The following MAP3K4 variants were observed in gnomAD, a reference collection of about 807,000 sequenced individuals.
The protein encoded by MAP3K4 is MAP three kinase 1.
MAP3K4 carries 67 observed loss-of-function variants against 185.6 expected under a neutral mutation model. The observed-to-expected ratio is 0.36, with a 90% CI of 0.30 to 0.44. MAP3K4 has a LOEUF of 0.44. Among genes scored for constraint, MAP3K4 ranks in the 20% least tolerant of loss-of-function variants. The probability of loss-of-function intolerance (pLI) is 1.00; values close to 1 mark genes in which losing one functional copy is unlikely to be tolerated. For synonymous variants in MAP3K4, 702 were observed against 710.4 expected (o/e 0.99, Z 0.19); for missense variants, 1,551 against 1,995.1 (o/e 0.78, Z 4.24).
Position 161,100,857 on chromosome 6 carries a change from G to C in MAP3K4, c.3675-1035G>C, listed in dbSNP as rs757340810. 6.6e-6 allele frequency among the ~76,000 whole-genome samples: 1 copy of C among 152,010 alleles called. No individual in the cohort carries two copies. Among genetic ancestry groups the C allele is most frequent in the Admixed American group, 6.6e-5 (1 of 15,262 alleles). ...AGTGGTTTTCCCGTCAGATAGTGCC[G>C]AATTTTTTATGAACTATATGGCAGT... On this transcript the variant is annotated intron_variant, in intron 17 of 26. Transcript: ENST00000392142. The surrounding 1 kb of genome is among the most constrained non-coding windows in gnomAD (Gnocchi z 5.8).
chr6:161,112,292 A>G lies in MAP3K4; in HGVS notation c.4519+334A>G, dbSNP rs991957893. ...TGTGGCTTACCCCGAATCACTCAGC[A>G]TACACCAGTCTCGTTGGCTGCCTGC... On this transcript the variant is annotated intron_variant, in intron 24 of 26. Transcript: ENST00000392142. This position sits in a 1 kb window ranked among gnomAD's most constrained non-coding sequence, Gnocchi z 5.1. Among the ~76,000 whole-genome samples the G allele has an allele frequency of 1.3e-5, 2 of 152,216 alleles. No homozygotes were observed. The highest frequency in any genetic ancestry group is 1.9e-4 in the East Asian group (1 of 5,176).
rs888217920 is a variant in MAP3K4 at position 161,017,921 on chromosome 6, A to G, written c.153-16338A>G. 3.3e-5 allele frequency among the ~76,000 whole-genome samples: 5 copies of G among 152,236 alleles called. No individual in the cohort carries two copies. Among genetic ancestry groups the G allele is most frequent in the African/African-American group, 1.2e-4 (5 of 41,460 alleles). On this transcript the variant is annotated intron_variant, in intron 1 of 26. Transcript: ENST00000392142. The surrounding 1 kb of genome is among the most constrained non-coding windows in gnomAD (Gnocchi z 5.1). ...GAACAGTTTTTTTAGATTAAAAAATATAAATATGCTGGGTTTTAGTGATTA... is the reference window on the plus strand; with the variant it reads ...GAACAGTTTTTTTAGATTAAAAAATGTAAATATGCTGGGTTTTAGTGATTA...
Position 161,093,099 on chromosome 6 carries a change from G to A in MAP3K4, c.3348+43G>A. On this transcript the variant is annotated intron_variant, in intron 14 of 26. Transcript: ENST00000392142. The surrounding 1 kb of genome is among the most constrained non-coding windows in gnomAD (Gnocchi z 5.2). ...GTTTTTTTCATTATAAAATAAGCCA[G>A]TCACTCCTTATTTTCTGGTTGTATA... 4 of 1,322,024 alleles carry A rather than the reference G, an allele frequency of 3.0e-6. No homozygotes were observed. In the South Asian group the frequency reaches 5.0e-5, roughly 16 times the overall value. 81.9% of individuals were successfully genotyped at this position (1,322,024 alleles called of 1,614,324 possible).
chr6:161,054,327 G>A lies in MAP3K4; in HGVS notation c.1707+4348G>A, dbSNP rs747755971. On this transcript the variant is annotated intron_variant, in intron 3 of 26. Transcript: ENST00000392142. This position sits in a 1 kb window ranked among gnomAD's most constrained non-coding sequence, Gnocchi z 4.2. ...GCGCCACTATGCCTGGCTAATTTTT[G>A]TATTTTTAGTAGAGATGGTGTTTCA... 2.6e-5 allele frequency among the ~76,000 whole-genome samples: 4 copies of A among 151,968 alleles called. No individual in the cohort carries two copies. Among genetic ancestry groups the A allele is most frequent in the Admixed American group, 6.6e-5 (1 of 15,256 alleles).
Position 161,048,961 on chromosome 6 carries a change from G to A in MAP3K4, c.689G>A (p.Arg230Gln), listed in dbSNP as rs771620324. 1 of 1,613,866 alleles carries A rather than the reference G, an allele frequency of 6.2e-7. No homozygotes were observed. Among genetic ancestry groups the A allele is most frequent in the Non-Finnish European group, 8.5e-7 (1 of 1,179,866 alleles). The change falls in exon 3 of 27, where the codon CGA (arginine) becomes CAA (glutamine). Residue 230 changes from arginine (R) to glutamine (Q), a missense_variant. Physicochemically the swap from Arg to Gln is conservative, Grantham distance 43 (BLOSUM62 1). Coordinates refer to ENST00000392142, the MANE Select transcript of MAP3K4 (RefSeq NM_005922.4). The surrounding 1 kb of genome is among the most constrained non-coding windows in gnomAD (Gnocchi z 4.7). ...CGTTTAAAGTTTTTTGAAACTTTAC[G>A]ACTTTTGCTAAAGCTTACCTCAGTC... ...ADRLKFFETL[R>Q]LLLKLTSVSK...
rs1419514079 is a variant in MAP3K4, at chr6:161,112,606, C to G, written c.4520-62C>G. ...TACAATATTAATTTATTGCTTGGCTCTATTAATACATGTTGATGTGTTTAT... is the reference window on the plus strand; with the variant it reads ...TACAATATTAATTTATTGCTTGGCTGTATTAATACATGTTGATGTGTTTAT... On this transcript the variant is annotated intron_variant, in intron 24 of 26. Coordinates refer to ENST00000392142, the MANE Select transcript of MAP3K4 (RefSeq NM_005922.4). The surrounding 1 kb of genome is among the most constrained non-coding windows in gnomAD (Gnocchi z 5.1). 2 of 971,698 alleles carry G rather than the reference C, an allele frequency of 2.1e-6. No individual in the cohort carries two copies. The highest frequency in any genetic ancestry group is 3.3e-5 in the African/African-American group (2 of 60,194). 60.2% of individuals were successfully genotyped at this position (971,698 alleles called of 1,614,324 possible). A position where few individuals can be genotyped will look rare whatever the true frequency, so the allele number is the denominator to read the frequency against.
rs759365568 is a variant in MAP3K4, at chr6:161,091,588, A to G, written c.3135+48A>G. ...CACGGTACAATTTAGTAATTGCTTGATAACTTACAGAAAGTTTTTGGAACC... is the reference window on the plus strand; with the variant it reads ...CACGGTACAATTTAGTAATTGCTTGGTAACTTACAGAAAGTTTTTGGAACC... On this transcript the variant is annotated intron_variant, in intron 12 of 26. Transcript: ENST00000392142. This position sits in a 1 kb window ranked among gnomAD's most constrained non-coding sequence, Gnocchi z 5.5. 2.6e-6 allele frequency: 4 copies of G among 1,551,054 alleles called. No individual in the cohort carries two copies. In the Admixed American group the frequency reaches 5.9e-5, roughly 23 times the overall value.
chr6:161,052,413 T>C (rs537108836), intron 3 of MAP3K4, among the ~76,000 whole-genome samples: 1 of 152,214 alleles, frequency 6.6e-6, no homozygotes, highest in South Asian at 2.1e-4. Flanking sequence ...ATCTTTGTTA[T>C]AGAAGAAAAG....
In MAP3K4 at chr6:161,073,419, C is replaced by T. The variant is rs1785035635; in HGVS notation, c.1951-47C>T. On this transcript the variant is annotated intron_variant, in intron 4 of 26. Coordinates refer to ENST00000392142, the MANE Select transcript of MAP3K4 (RefSeq NM_005922.4). The surrounding 1 kb of genome is among the most constrained non-coding windows in gnomAD (Gnocchi z 4.2). Reference sequence around the variant, plus strand: ...TAGGAAGATATAAAACACGGATCGTCTGGTTGGAGTTTATGGCTGCTGGAA... The same window carrying T: ...TAGGAAGATATAAAACACGGATCGTTTGGTTGGAGTTTATGGCTGCTGGAA... 2 of 1,496,466 alleles carry T rather than the reference C, an allele frequency of 1.3e-6. No individual in the cohort carries two copies. The highest frequency in any genetic ancestry group is 2.5e-5 in the East Asian group (1 of 40,456). The allele number at this position is 1,496,466 out of a possible 1,614,324, so 92.7% of individuals were successfully genotyped here.
Position 161,053,925 on chromosome 6 carries a change from G to A in MAP3K4, c.1707+3946G>A, listed in dbSNP as rs962709244. On this transcript the variant is annotated intron_variant, in intron 3 of 26. Coordinates refer to ENST00000392142, the MANE Select transcript of MAP3K4 (RefSeq NM_005922.4). This position sits in a 1 kb window ranked among gnomAD's most constrained non-coding sequence, Gnocchi z 4.2. Reference sequence around the variant, plus strand: ...TTTGTTCTTAATTGTTAAAATATCTGAACTGACAAGGTACCACAGATTGTA... The same window carrying A: ...TTTGTTCTTAATTGTTAAAATATCTAAACTGACAAGGTACCACAGATTGTA... Among the ~76,000 whole-genome samples, 2 of 151,998 alleles carry A rather than the reference G, an allele frequency of 1.3e-5. No homozygotes were observed.
In MAP3K4 at chr6:161,077,740, A is replaced by G. The variant is rs1002271307; in HGVS notation, c.2098-3141A>G. Among the ~76,000 whole-genome samples the G allele has an allele frequency of 6.6e-6, 1 of 152,194 alleles. No homozygotes were observed. Among genetic ancestry groups the G allele is most frequent in the Non-Finnish European group, 1.5e-5 (1 of 68,028 alleles). On this transcript the variant is annotated intron_variant, in intron 5 of 26. Transcript: ENST00000392142. This position sits in a 1 kb window ranked among gnomAD's most constrained non-coding sequence, Gnocchi z 4.3. ...AAATGTGAACAAGGTGTTGGGAGTG[A>G]CTGTGGGTGTCCAGCTCCTGCAGCT...
At chr6:161,011,274 A>G (rs1418556071) in intron 1 of MAP3K4, among the ~76,000 whole-genome samples, 1 of 152,244 alleles carries the variant, frequency 6.6e-6, no homozygotes, top group Non-Finnish European at 1.5e-5. Flanking sequence ...CTAAACAGGC[A>G]TTGAAGTTAT....
intron 1 of MAP3K4, among the ~76,000 whole-genome samples, chr6:161,025,803 T>A (rs1359061702): frequency 3.9e-5 from 6 of 152,246 alleles, no homozygotes; most frequent in Non-Finnish European, 7.3e-5. Context: ...ACGTTTTTCT[T>A]GTTTCTCTGT....
chr6:160,992,731 T>C (rs1780792520), intron 1 of MAP3K4, among the ~76,000 whole-genome samples: 1 of 152,236 alleles, frequency 6.6e-6, no homozygotes, highest in Non-Finnish European at 1.5e-5. Flanking sequence ...ACTTTGCTAC[T>C]GCAGGAAGCT....
rs1381745023 is a variant in MAP3K4 at position 161,071,030 on chromosome 6, T to C, written c.1950+180T>C. Among the ~76,000 whole-genome samples, 1 of 152,224 alleles carries C rather than the reference T, an allele frequency of 6.6e-6. No individual in the cohort carries two copies. The highest frequency in any genetic ancestry group is 1.5e-5 in the Non-Finnish European group (1 of 68,042). ...AATTAAAAATGTTCTTTATATGCGG[T>C]CCTCAAAGGTAAGATTGTGGTTCAT... On this transcript the variant is annotated intron_variant, in intron 4 of 26. Transcript: ENST00000392142. This position sits in a 1 kb window ranked among gnomAD's most constrained non-coding sequence, Gnocchi z 4.6.
intron 3 of MAP3K4, among the ~76,000 whole-genome samples, chr6:161,057,783 C>T: frequency 6.6e-6 from 1 of 152,202 alleles, no homozygotes; most frequent in Non-Finnish European, 1.5e-5. Flanking sequence ...CATAAGATTA[C>T]AAGAACTTTG....
At chr6:161,046,257 G>A (rs1490395453) in intron 2 of MAP3K4, among the ~76,000 whole-genome samples, 2 of 151,960 alleles carry the variant, frequency 1.3e-5, no homozygotes, top group South Asian at 4.2e-4. Context: ...GTCATTTTTG[G>A]TTTCAAAATA....
rs1356115138 is a variant in MAP3K4, at chr6:161,098,063, G to A, written c.3525-215G>A. Among the ~76,000 whole-genome samples, 1 of 152,076 alleles carries A rather than the reference G, an allele frequency of 6.6e-6. No homozygotes were observed. Among genetic ancestry groups the A allele is most frequent in the African/African-American group, 2.4e-5 (1 of 41,416 alleles). On this transcript the variant is annotated intron_variant, in intron 16 of 26. Coordinates refer to ENST00000392142, the MANE Select transcript of MAP3K4 (RefSeq NM_005922.4). This position sits in a 1 kb window ranked among gnomAD's most constrained non-coding sequence, Gnocchi z 4.4. ...GATTGCGCCACTGCACTCCAGCCTG[G>A]ACAACAGGGTGCGATGCTGTCTCAA...
rs1778209870 is a variant in MAP3K4, at chr6:161,108,568, A to G, written c.4120-175A>G. Among the ~76,000 whole-genome samples the G allele has an allele frequency of 2.0e-5, 3 of 152,148 alleles. No individual in the cohort carries two copies. In the South Asian group the frequency reaches 6.2e-4, roughly 32 times the overall value. ...GTGCCCGGGACCTACCCGCACTTCT[A>G]TGACTTCACTCTAGCTTGGCTAAAA... On this transcript the variant is annotated intron_variant, in intron 21 of 26. Transcript: ENST00000392142. The surrounding 1 kb of genome is among the most constrained non-coding windows in gnomAD (Gnocchi z 5.7).
Sources: gnomAD v4.1 joint callset for allele counts (sites outside exome capture counted in the v4.1 genomes callset) on GRCh38, gnomAD v4.1.1 for gene constraint, Gnocchi (gnomAD v3.1) non-coding constraint, MANE v1.5 for transcripts, NCBI Gene and HGNC (gene_info 2026-07-23, HGNC 2026-07-21) for gene names.